The following FAP variants were observed in gnomAD, a reference collection of about 807,000 sequenced individuals.
The protein encoded by FAP is prolyl endopeptidase FAP.
Under a neutral mutation model 126.5 loss-of-function variants are expected in FAP, and 110 were observed. The ratio of observed to expected loss-of-function variants is 0.87; its 90% CI spans 0.74 to 1.02. The LOEUF is 1.02. Among genes scored for constraint, FAP ranks in the 50% least tolerant of loss-of-function variants. The probability of loss-of-function intolerance (pLI) is 0.00; values close to 1 mark genes in which losing one functional copy is unlikely to be tolerated. For synonymous variants in FAP, 334 were observed against 297.3 expected (o/e 1.12, Z -1.27); for missense variants, 919 against 909.2 (o/e 1.01, Z -0.14).
At chr2:162,204,096 C>T (rs1235452785) in intron 12 of FAP, among the ~76,000 whole-genome samples, 1 of 152,056 alleles carries the variant, frequency 6.6e-6, no homozygotes, top group African/African-American at 2.4e-5. Context: ...GGTGTCCCTC[C>T]ACATGAGAAC....
intron 16 of FAP, chr2:162,197,638 C>T (rs1353337242): frequency 2.2e-6 from 1 of 456,530 alleles, no homozygotes; most frequent in Non-Finnish European, 4.4e-6. Context: ...GTCAAATGAG[C>T]TGCAGCTCAG....
intron 11 of FAP, among the ~76,000 whole-genome samples, chr2:162,212,083 G>A (rs1688959381): frequency 6.6e-6 from 1 of 152,128 alleles, no homozygotes; most frequent in Non-Finnish European, 1.5e-5. Context: ...ACTGTTTTCT[G>A]GCTGTAAAAC....
intron 17 of FAP, chr2:162,194,178 T>C (rs1301260072): frequency 7.2e-5 from 11 of 152,470 alleles, no homozygotes; most frequent in Non-Finnish European, 1.2e-4. Flanking sequence ...CAATGTGATG[T>C]AGCTGTTAAA....
At chr2:162,182,933 CT>C (rs1356042733) in intron 21 of FAP, among the ~76,000 whole-genome samples, 1 of 152,060 alleles carries the variant, frequency 6.6e-6, no homozygotes, top group Non-Finnish European at 1.5e-5. Flanking sequence ...ATTCGGTCTA[CT>C]AAAATAATTT....
intron 17 of FAP, among the ~76,000 whole-genome samples, chr2:162,193,285 T>G (rs1456836373): frequency 6.6e-6 from 1 of 152,194 alleles, no homozygotes; most frequent in Non-Finnish European, 1.5e-5. Flanking sequence ...GAATCCGTAT[T>G]TATAATGAAC....
intron 2 of FAP, among the ~76,000 whole-genome samples, chr2:162,228,054 C>T (rs2106290334): frequency 1.3e-5 from 2 of 152,268 alleles, no homozygotes; most frequent in South Asian, 4.1e-4. Flanking sequence ...AAAACAGTTA[C>T]CATAAGGCCA....
chr2:162,212,298 C>T (rs1170390058), intron 11 of FAP, among the ~76,000 whole-genome samples: 1 of 152,032 alleles, frequency 6.6e-6, no homozygotes, highest in African/African-American at 2.4e-5. Context: ...AAAATTAAAG[C>T]AATAGTCCCT....
intron 15 of FAP, 23 bp from the exon 16 acceptor site, chr2:162,198,904 C>G (rs752402040): frequency 1.2e-6 from 2 of 1,609,822 alleles, no homozygotes; most frequent in Non-Finnish European, 8.5e-7. Context: ...GAAAATAAAA[C>G]TAAGCTGAAA....
chr2:162,178,180 G>A (rs1361137694), intron 21 of FAP, among the ~76,000 whole-genome samples: 2 of 152,142 alleles, frequency 1.3e-5, no homozygotes, highest in East Asian at 3.9e-4. Flanking sequence ...GGGAGAGAAA[G>A]GAACTAAGAT....
Position 162,170,896 on chromosome 2 carries a change from C to T in FAP, c.*83G>A, listed in dbSNP as rs764651760. 2.9e-6 allele frequency: 3 copies of T among 1,018,206 alleles called. No individual in the cohort carries two copies. Among genetic ancestry groups the T allele is most frequent in the African/African-American group, 1.6e-5 (1 of 62,016 alleles). 63.1% of individuals were successfully genotyped at this position (1,018,206 alleles called of 1,614,324 possible). A position where few individuals can be genotyped will look rare whatever the true frequency, so the allele number is the denominator to read the frequency against. On this transcript the variant is annotated 3_prime_UTR_variant, in exon 26 of 26. Coordinates refer to ENST00000188790, the MANE Select transcript of FAP (RefSeq NM_004460.5). ...GTTTGTTTATACTAGCATTTTACAACATAAAAAATAAAATAAGCAAACTGT... is the reference window on the plus strand; with the variant it reads ...GTTTGTTTATACTAGCATTTTACAATATAAAAAATAAAATAAGCAAACTGT...
rs775232142 is a variant in FAP at position 162,214,027 on chromosome 2, A to T, written c.913T>A (p.Cys305Ser). 1 of 1,614,156 alleles carries T rather than the reference A, an allele frequency of 6.2e-7. No homozygotes were observed. Among genetic ancestry groups the T allele is most frequent in the South Asian group, 1.1e-5 (1 of 91,072 alleles). Residue 305 changes from cysteine (C) to serine (S), a missense_variant, in exon 11 of 26, where the codon TGT (cysteine) becomes AGT (serine). Coordinates refer to ENST00000188790, the MANE Select transcript of FAP (RefSeq NM_004460.5). ...TGGACTCTTTTTAGCCACTGCAAAC[A>T]TACTCGTTCATCAGTAACCCACGTG... ...WLTWVTDERV[C>S]LQWLKRVQNV...
intron 5 of FAP, among the ~76,000 whole-genome samples, chr2:162,224,205 T>TTTG (rs1491531892): frequency 1.3e-5 from 2 of 152,190 alleles, no homozygotes; most frequent in African/African-American, 4.8e-5. Flanking sequence ...CTTAAAGCTC[T>TTTG]TTGTTTTCTT....
At chr2:162,198,326 G>C in intron 16 of FAP, 1 of 1,285,756 alleles carries the variant, frequency 7.8e-7, no homozygotes, top group Non-Finnish European at 1.0e-6. Context: ...ATATTTCTCT[G>C]GGCAAAGGGG....
chr2:162,173,063 T>G (rs1687371328), intron 24 of FAP, 86 bp downstream of exon 24: 7 of 1,289,518 alleles, frequency 5.4e-6, no homozygotes, highest in Admixed American at 5.1e-5. Flanking sequence ...ACCCTGAGCA[T>G]AGGCATAGGA....
chr2:162,213,933 C>T lies in FAP; in HGVS notation c.1002+5G>A. ...ATACGTATCTGTGATCTTAATATACCCTACCTTTGGACAATCCCATGTCTG... is the reference window on the plus strand; with the variant it reads ...ATACGTATCTGTGATCTTAATATACTCTACCTTTGGACAATCCCATGTCTG... On this transcript the variant is annotated splice_donor_5th_base_variant and intron_variant, in intron 11 of 25. Transcript: ENST00000188790. 6.2e-7 allele frequency: 1 copy of T among 1,611,502 alleles called. No homozygotes were observed. The highest frequency in any genetic ancestry group is 8.5e-7 in the Non-Finnish European group (1 of 1,178,614).
At chr2:162,175,128 T>A in intron 21 of FAP, 162 bp from the exon 22 acceptor site, 1 of 550,372 alleles carries the variant, frequency 1.8e-6, no homozygotes, top group Non-Finnish European at 3.3e-6. Flanking sequence ...AAGCTTCAGA[T>A]AAATGACCAG....
chr2:162,214,850 A>G (rs371873442), intron 10 of FAP, among the ~76,000 whole-genome samples: 56 of 152,102 alleles, frequency 3.7e-4, no homozygotes, highest in African/African-American at 1.2e-3. Context: ...CCTATTTTAA[A>G]GAGTGCTGTA....
intron 20 of FAP, among the ~76,000 whole-genome samples, chr2:162,184,517 G>T (rs1687798761): frequency 1.3e-5 from 2 of 152,220 alleles, no homozygotes; most frequent in Admixed American, 1.3e-4. Flanking sequence ...CGTTTCCGAT[G>T]CATAGAGAAG....
At chr2:162,199,285 C>T (rs1576158869) in intron 15 of FAP, among the ~76,000 whole-genome samples, 2 of 152,170 alleles carry the variant, frequency 1.3e-5, no homozygotes, top group Admixed American at 6.5e-5. Context: ...GCAGTATCAC[C>T]AAGAAAGAGT....
Sources: allele counts gnomAD v4.1 joint callset (sites outside exome capture counted in the v4.1 genomes callset), GRCh38; gene constraint gnomAD v4.1.1; transcripts MANE v1.5; gene names NCBI Gene and HGNC (gene_info 2026-07-23, HGNC 2026-07-21).